Variants in MECOM observed in about 807,000 individuals in gnomAD.
The protein encoded by MECOM is histone-lysine N-methyltransferase MECOM.
In MECOM, 13 loss-of-function variants were observed where a neutral mutation model predicts 116.3. The ratio of observed to expected loss-of-function variants is 0.11; its 90% CI spans 0.07 to 0.18. The LOEUF is 0.18. Ranked by LOEUF, MECOM falls within the 10% of genes least tolerant of loss-of-function variation. MECOM has a pLI of 1.00. For synonymous variants in MECOM, 528 were observed against 535.2 expected, an observed-to-expected ratio of 0.99 and a Z score of 0.19; for missense variants, 1,299 against 1,509.0, an observed-to-expected ratio of 0.86 and a Z score of 2.31.
At chr3:169,505,910 C>G (rs1021569101) in intron 1 of MECOM, among the ~76,000 whole-genome samples, 1 of 152,220 alleles carries the variant, frequency 6.6e-6, no homozygotes, top group African/African-American at 2.4e-5. Context: ...TTAAGGCGTT[C>G]TTGCCTCACA....
At chr3:169,645,196 A>G (rs1774012589) in intron 1 of MECOM, among the ~76,000 whole-genome samples, 1 of 152,204 alleles carries the variant, frequency 6.6e-6, no homozygotes, top group South Asian at 2.1e-4. Flanking sequence ...CCAACCAAGC[A>G]TAAGGGCTAC....
intron 1 of MECOM, among the ~76,000 whole-genome samples, chr3:169,389,322 G>A (rs1733876153): frequency 6.6e-6 from 1 of 152,182 alleles, no homozygotes; most frequent in Non-Finnish European, 1.5e-5. Flanking sequence ...GAATCTAAAA[G>A]AGCTAACGCA....
At chr3:169,575,129 T>C (rs566249263) in intron 1 of MECOM, among the ~76,000 whole-genome samples, 3 of 152,178 alleles carry the variant, frequency 2.0e-5, no homozygotes, top group Non-Finnish European at 4.4e-5. Flanking sequence ...ACCCGTAATT[T>C]ATGTCCTCAC....
chr3:169,658,323 C>G (rs908337107), intron 1 of MECOM, among the ~76,000 whole-genome samples: 10 of 152,204 alleles, frequency 6.6e-5, no homozygotes, highest in Non-Finnish European at 1.3e-4. Context: ...CCCATCTCTT[C>G]CCCAAACTCA....
Position 169,136,771 on chromosome 3 carries a change from C to T in MECOM, c.511-5240G>A, listed in dbSNP as rs150464247. Reference sequence around the variant, plus strand: ...ATTGTTGAGACAGAAAAGTTCTGCACACAAGGGGGAAAATAAGAAAGAAGG... The same window carrying T: ...ATTGTTGAGACAGAAAAGTTCTGCATACAAGGGGGAAAATAAGAAAGAAGG... On this transcript the variant is annotated intron_variant, in intron 3 of 16. Transcript: ENST00000651503. 4.9e-3 allele frequency among the ~76,000 whole-genome samples: 739 copies of T among 152,066 alleles called. 4 individuals are homozygous for T. Among genetic ancestry groups the T allele is most frequent in the African/African-American group, 0.017 (702 of 41,490 alleles).
chr3:169,423,004 G>A (rs1171465637), intron 1 of MECOM, among the ~76,000 whole-genome samples: 3 of 151,954 alleles, frequency 2.0e-5, no homozygotes, highest in Admixed American at 6.6e-5. Flanking sequence ...TAACTAAATT[G>A]GGGTCATGTG....
intron 1 of MECOM, among the ~76,000 whole-genome samples, chr3:169,414,524 G>A (rs755906373): frequency 2.8e-4 from 42 of 152,136 alleles, no homozygotes; most frequent in East Asian, 5.8e-4. Context: ...AAAACTGGAC[G>A]GAGAATGAGT....
At chr3:169,529,073 T>C (rs968217149) in intron 1 of MECOM, among the ~76,000 whole-genome samples, 14 of 151,828 alleles carry the variant, frequency 9.2e-5, no homozygotes, top group African/African-American at 3.4e-4. Flanking sequence ...AGAAATAAAG[T>C]GATTGAATAA....
chr3:169,275,690 A>G (rs1177850404), intron 2 of MECOM, among the ~76,000 whole-genome samples: 1 of 152,228 alleles, frequency 6.6e-6, no homozygotes, highest in Non-Finnish European at 1.5e-5. Context: ...TGATATAATT[A>G]TAACAGCTAT....
At chr3:169,337,510 A>C (rs1723768515) in intron 2 of MECOM, among the ~76,000 whole-genome samples, 1 of 152,174 alleles carries the variant, frequency 6.6e-6, no homozygotes, top group Admixed American at 6.5e-5. Context: ...TAAGAAAAAA[A>C]AATAACTGAT....
intron 1 of MECOM, chr3:169,565,843 G>A (rs1763168347): frequency 5.4e-6 from 2 of 371,394 alleles, no homozygotes; most frequent in East Asian, 8.4e-5. Context: ...GAGGGAGTCA[G>A]GGAGGTTTGG....
intron 3 of MECOM, among the ~76,000 whole-genome samples, chr3:169,134,180 T>C (rs2149228025): frequency 6.6e-6 from 1 of 152,364 alleles, no homozygotes; most frequent in Non-Finnish European, 1.5e-5. Context: ...TAATTCCATT[T>C]TAGATTTACT....
chr3:169,330,676 C>T (rs886651871), intron 2 of MECOM, among the ~76,000 whole-genome samples: 23 of 151,586 alleles, frequency 1.5e-4, no homozygotes, highest in South Asian at 6.2e-4. Context: ...TTTTTATAAA[C>T]GCCTAGAGCA....
At chr3:169,164,278 T>A (rs1350047578) in intron 2 of MECOM, among the ~76,000 whole-genome samples, 1 of 152,096 alleles carries the variant, frequency 6.6e-6, no homozygotes. Flanking sequence ...AACAGGAGTT[T>A]CCCTGCACAA....
intron 1 of MECOM, chr3:169,565,916 A>C (rs1207054647): frequency 2.5e-5 from 11 of 442,484 alleles, no homozygotes; most frequent in Non-Finnish European, 4.5e-5. Context: ...ACTCCTTTAA[A>C]GAACTATGTG....
chr3:169,159,817 C>T (rs992373265), intron 2 of MECOM, among the ~76,000 whole-genome samples: 6 of 152,250 alleles, frequency 3.9e-5, no homozygotes, highest in African/African-American at 1.4e-4. Flanking sequence ...TGGGGTGTGA[C>T]ATATGTAAAG....
chr3:169,188,696 T>C (rs1268443859), intron 2 of MECOM, among the ~76,000 whole-genome samples: 2 of 152,094 alleles, frequency 1.3e-5, no homozygotes, highest in East Asian at 3.9e-4. Flanking sequence ...CTCAGTGTCT[T>C]ACATGAAAAG....
intron 1 of MECOM, among the ~76,000 whole-genome samples, chr3:169,460,780 T>C (rs150652669): frequency 2.6e-5 from 4 of 152,216 alleles, no homozygotes; most frequent in African/African-American, 9.6e-5. Context: ...TCAGGTTTTG[T>C]CAAGAGTGCA....
chr3:169,401,262 T>C (rs999471624), intron 1 of MECOM, among the ~76,000 whole-genome samples: 9 of 152,158 alleles, frequency 5.9e-5, no homozygotes, highest in Admixed American at 5.9e-4. Flanking sequence ...TAGGTTCCCC[T>C]ACTCAAAAAA....
Sources: allele counts gnomAD v4.1 joint callset (sites outside exome capture counted in the v4.1 genomes callset), GRCh38; gene constraint gnomAD v4.1.1; transcripts MANE v1.5; gene names NCBI Gene and HGNC (gene_info 2026-07-23, HGNC 2026-07-21).